The following CEMIP2 variants were observed in gnomAD, a reference collection of about 807,000 sequenced individuals.
The protein encoded by CEMIP2 is cell surface hyaluronidase CEMIP2.
CEMIP2 carries 79 observed loss-of-function variants against 146.9 expected under a neutral mutation model. That is an observed-to-expected ratio of 0.54 (90% CI 0.45 to 0.65). CEMIP2 has a LOEUF of 0.65. Ranked by LOEUF, CEMIP2 falls within the 30% of genes least tolerant of loss-of-function variation. The pLI is 0.00. For missense variants in CEMIP2, 1,596 were observed against 1,696.2 expected (o/e 0.94, Z 1.04); for synonymous variants, 601 against 606.3 (o/e 0.99, Z 0.13).
intron 10 of CEMIP2, among the ~76,000 whole-genome samples, chr9:71,729,612 T>C (rs1267210641): frequency 2.0e-5 from 3 of 149,002 alleles, no homozygotes; most frequent in Non-Finnish European, 4.5e-5. Flanking sequence ...ACCGGGACTC[T>C]GTCTCGAGAA....
At chr9:71,724,912 G>A (rs1466621646) in intron 11 of CEMIP2, among the ~76,000 whole-genome samples, 1 of 152,144 alleles carries the variant, frequency 6.6e-6, no homozygotes, top group Non-Finnish European at 1.5e-5. Flanking sequence ...ATTAAAGATT[G>A]GAAAGAAGTT....
chr9:71,690,604 G>C (rs936959563), intron 21 of CEMIP2, among the ~76,000 whole-genome samples: 2 of 152,136 alleles, frequency 1.3e-5, no homozygotes, highest in African/African-American at 4.8e-5. Flanking sequence ...ATGATAGATG[G>C]CTGCCTCTGT....
chr9:71,711,953 G>A (rs1486071169), intron 16 of CEMIP2, 130 bp downstream of exon 16: 1 of 918,430 alleles, frequency 1.1e-6, no homozygotes, highest in East Asian at 2.5e-5. Context: ...ATTAGGAGCT[G>A]GCTCTGTGTG....
chr9:71,697,751 A>G, intron 20 of CEMIP2: 1 of 480,096 alleles, frequency 2.1e-6, no homozygotes. Context: ...ACTGTGGAAA[A>G]TCTGCAGTTG....
intron 5 of CEMIP2, 26 bp from the exon 6 acceptor site, chr9:71,735,020 AAG>A (rs1244306019): frequency 6.4e-7 from 1 of 1,569,598 alleles, no homozygotes; most frequent in Admixed American, 2.0e-5. Context: ...AAAAAAGAAA[AAG>A]AAAGTGATAC....
Position 71,700,633 on chromosome 9 carries a change from C to T in CEMIP2, c.3377+9G>A, listed in dbSNP as rs749868195. 1.9e-6 allele frequency: 3 copies of T among 1,558,628 alleles called. No homozygotes were observed. The highest frequency in any genetic ancestry group is 1.2e-5 in the South Asian group (1 of 84,000). ...GAATAATTCTCATTCCCTGGTTTCA[C>T]TGAATTACCCCGTGCTGGAGTCAAA... On this transcript the variant is annotated intron_variant, in intron 19 of 23. Transcript: ENST00000377044.
chr9:71,715,863 C>T (rs1356839106), intron 14 of CEMIP2, among the ~76,000 whole-genome samples: 3 of 151,434 alleles, frequency 2.0e-5, no homozygotes, highest in African/African-American at 4.8e-5. Flanking sequence ...TGGCTTTGAG[C>T]GATCCTCCTG....
In CEMIP2 at chr9:71,740,131, G is replaced by A. The variant is rs1823872571; in HGVS notation, c.1136C>T (p.Ala379Val). The change falls in exon 5 of 24, where the codon GCC becomes GTC. Residue 379 changes from alanine to valine, a missense_variant. Physicochemically the swap from Ala to Val is moderately conservative, Grantham distance 64 (BLOSUM62 0). Transcript: ENST00000377044. ...ENHSSGGKAL[A>V]QREFYTVDGQ... is the part of the protein sequence containing the mutation. ...ATCCACAGTATAAAATTCTCTTTGG[G>A]CAAGAGCCTTCCCGCCACTGCTATG... The A allele has an allele frequency of 6.2e-7, 1 of 1,613,830 alleles. No individual in the cohort carries two copies. The highest frequency in any genetic ancestry group is 8.5e-7 in the Non-Finnish European group (1 of 1,180,012).
chr9:71,709,564 G>T, intron 16 of CEMIP2, 90 bp from the exon 17 acceptor site: 2 of 1,102,512 alleles, frequency 1.8e-6, no homozygotes, highest in Non-Finnish European at 1.4e-6. Context: ...GGTCCATTGT[G>T]ATTGCTTTAA....
At position 71,760,307 on chromosome 9, in the gene CEMIP2, C is replaced by T. The variant is rs151076790; in HGVS notation, c.-13+8050G>A. ...AGTTTCACTAAAGTGGCCACATCTT[C>T]GGCAAATCACATTGGACTCTCCTGT... On this transcript the variant is annotated intron_variant, in intron 1 of 23. Coordinates refer to ENST00000377044, the MANE Select transcript of CEMIP2 (RefSeq NM_013390.3). Among the ~76,000 whole-genome samples, 126 of 152,322 alleles carry T rather than the reference C, an allele frequency of 8.3e-4. 2 individuals are homozygous for T. The highest frequency in any genetic ancestry group is 9.1e-4 in the Non-Finnish European group (62 of 68,024).
chr9:71,715,376 T>G (rs886854306), intron 14 of CEMIP2, among the ~76,000 whole-genome samples: 21 of 150,928 alleles, frequency 1.4e-4, no homozygotes, highest in African/African-American at 5.1e-4. Flanking sequence ...TCCAAGTAGC[T>G]GGGACCACAC....
At chr9:71,711,433 G>T (rs1282049740) in intron 16 of CEMIP2, among the ~76,000 whole-genome samples, 1 of 151,272 alleles carries the variant, frequency 6.6e-6, no homozygotes, top group Non-Finnish European at 1.5e-5. Flanking sequence ...AGCCAGATGT[G>T]GTGGCATATG....
intron 5 of CEMIP2, among the ~76,000 whole-genome samples, chr9:71,738,558 A>G (rs925505376): frequency 6.6e-6 from 1 of 151,690 alleles, no homozygotes; most frequent in African/African-American, 2.4e-5. Context: ...AAAGATGACT[A>G]ACCGGGTATG....
At chr9:71,722,227 C>T (rs889489357) in intron 12 of CEMIP2, among the ~76,000 whole-genome samples, 200 bp downstream of exon 12, 18 of 152,142 alleles carry the variant, frequency 1.2e-4, no homozygotes, top group Admixed American at 1.3e-4. Context: ...AAACATCAAC[C>T]TCTTTAGTAT....
chr9:71,722,367 T>C (rs1823257295), intron 12 of CEMIP2, 60 bp downstream of exon 12: 1 of 1,286,614 alleles, frequency 7.8e-7, no homozygotes, highest in Non-Finnish European at 1.1e-6. Flanking sequence ...TAAACTCCAG[T>C]TAGAAAGTTT....
At chr9:71,746,414 T>G (rs573926001) in intron 2 of CEMIP2, 73 bp from the exon 3 acceptor site, 102 of 1,563,204 alleles carry the variant, frequency 6.5e-5, no homozygotes, top group South Asian at 4.9e-4. Context: ...AGCACTACCA[T>G]TATTTACTGC....
chr9:71,708,059 C>A lies in CEMIP2; in HGVS notation c.2985+1200G>T, dbSNP rs893781434. On this transcript the variant is annotated intron_variant, in intron 17 of 23. Coordinates refer to ENST00000377044, the MANE Select transcript of CEMIP2 (RefSeq NM_013390.3). ...AAAACTAGCCGGGCATGGTGGCGGG[C>A]GCCTGTAGTCCAGCTGCTCAGGAGG... Among the ~76,000 whole-genome samples, 5 of 152,106 alleles carry A rather than the reference C, an allele frequency of 3.3e-5. No individual in the cohort carries two copies. In the South Asian group the frequency reaches 1.0e-3, roughly 32 times the overall value.
At chr9:71,744,829 A>G (rs956189792) in intron 4 of CEMIP2, among the ~76,000 whole-genome samples, 189 bp downstream of exon 4, 1 of 152,192 alleles carries the variant, frequency 6.6e-6, no homozygotes, top group African/African-American at 2.4e-5. Flanking sequence ...ACCAAAGCCA[A>G]TGAAAATAGC....
At chr9:71,708,043 C>T (rs1272831313) in intron 17 of CEMIP2, among the ~76,000 whole-genome samples, 4 of 152,092 alleles carry the variant, frequency 2.6e-5, no homozygotes, top group Admixed American at 1.3e-4. Context: ...AAAAACTAGC[C>T]GGGCATGGTG....
Sources: gnomAD v4.1 joint callset for allele counts (sites outside exome capture counted in the v4.1 genomes callset) on GRCh38, gnomAD v4.1.1 for gene constraint, MANE v1.5 for transcripts, NCBI Gene and HGNC (gene_info 2026-07-23, HGNC 2026-07-21) for gene names.